The following THEM4 variants were observed in gnomAD, a reference collection of about 807,000 sequenced individuals.
THEM4 encodes the protein acyl-coenzyme A thioesterase THEM4.
In THEM4, 22 loss-of-function variants were observed where a neutral mutation model predicts 25.0. That is an observed-to-expected ratio of 0.88 (90% CI 0.63 to 1.26). The LOEUF (loss-of-function observed/expected upper bound fraction) is 1.26, where lower values mean the gene tolerates loss of function less well. THEM4 is among the 50% of genes most tolerant of loss of function. The pLI, the probability that THEM4 is intolerant of heterozygous loss-of-function variation, is 0.00. For synonymous variants in THEM4, 113 were observed against 105.6 expected (o/e 1.07, Z -0.43); for missense variants, 286 against 300.3 (o/e 0.95, Z 0.35).
At chr1:151,878,640 TAA>T (rs1184525674) in intron 4 of THEM4, among the ~76,000 whole-genome samples, 9 of 152,164 alleles carry the variant, frequency 5.9e-5, no homozygotes, top group African/African-American at 1.9e-4. Context: ...CCTAGATTAG[TAA>T]AGAGACTAAC....
intron 5 of THEM4, 34 bp from the exon 6 acceptor site, chr1:151,874,962 G>C (rs548305155): frequency 6.5e-7 from 1 of 1,538,758 alleles, no homozygotes; most frequent in Admixed American, 1.7e-5. Context: ...ATGATTATAT[G>C]TCAACTGACT....
At chr1:151,893,181 G>A (rs1325176511) in intron 2 of THEM4, among the ~76,000 whole-genome samples, 2 of 151,956 alleles carry the variant, frequency 1.3e-5, no homozygotes, top group Non-Finnish European at 2.9e-5. Context: ...AGACCAGCCC[G>A]GCCAACATTG....
At position 151,909,445 on chromosome 1, in the gene THEM4, C is replaced by G. The variant is rs1001492692; in HGVS notation, c.14G>C (p.Cys5Ser). 6.9e-7 allele frequency: 1 copy of G among 1,446,256 alleles called. No homozygotes were observed. The highest frequency in any genetic ancestry group is 9.0e-7 in the Non-Finnish European group (1 of 1,107,968). 89.6% of individuals were successfully genotyped at this position (1,446,256 alleles called of 1,614,324 possible). A position where few individuals can be genotyped will look rare whatever the true frequency, so the allele number is the denominator to read the frequency against. ...CCCCAGCGTGCGGAGGCGCGCGGCG[C>G]AGCTCCTCAGCATGGCTCCGGGCCG... MLRS[C>S]AARLRTLGAL... The change falls in exon 1 of 6, where the codon TGC becomes TCC. Residue 5 changes from cysteine to serine, a missense_variant. Coordinates refer to ENST00000368814, the MANE Select transcript of THEM4 (RefSeq NM_053055.5).
chr1:151,882,995 G>A (rs1051996147), intron 4 of THEM4, among the ~76,000 whole-genome samples: 46 of 152,020 alleles, frequency 3.0e-4, no homozygotes, highest in Admixed American at 1.8e-3. Flanking sequence ...TTACAATCAC[G>A]GCAAAGGTGA....
At position 151,909,448 on chromosome 1, in the gene THEM4, C is replaced by G. The variant is rs1054035476; in HGVS notation, c.11G>C (p.Ser4Thr). 2.6e-5 allele frequency: 38 copies of G among 1,444,834 alleles called. No individual in the cohort carries two copies. In the African/African-American group the frequency reaches 5.2e-4, roughly 20 times the overall value. 89.5% of individuals were successfully genotyped at this position (1,444,834 alleles called of 1,614,324 possible). Reference protein sequence around the residue: MLRSCAARLRTLGA... With the variant: MLRTCAARLRTLGA... ...CAGCGTGCGGAGGCGCGCGGCGCAG[C>G]TCCTCAGCATGGCTCCGGGCCGCGG... Residue 4 changes from serine to threonine, a missense_variant, in exon 1 of 6, where the codon AGC becomes ACC. By Grantham distance (58) the Ser-to-Thr change is moderately conservative. Transcript: ENST00000368814.
chr1:151,881,653 T>C (rs552580069), intron 4 of THEM4, among the ~76,000 whole-genome samples: 53 of 152,330 alleles, frequency 3.5e-4, no homozygotes, highest in African/African-American at 1.2e-3. Context: ...ACTGTTGCTA[T>C]TGAGAGGTTT....
chr1:151,883,094 T>TTTTATCTATTTA (rs1653882461), intron 4 of THEM4, among the ~76,000 whole-genome samples: 9 of 138,350 alleles, frequency 6.5e-5, no homozygotes, highest in Non-Finnish European at 1.4e-4. Context: ...TGTCAAATGC[T>TTTTATCTATTTA]TTTATTTATT....
intron 1 of THEM4, among the ~76,000 whole-genome samples, chr1:151,896,080 C>A (rs1197715490): frequency 6.6e-6 from 1 of 151,362 alleles, no homozygotes; most frequent in Non-Finnish European, 1.5e-5. Context: ...GCAACCTCCA[C>A]CTCCTGGGTT....
intron 1 of THEM4, among the ~76,000 whole-genome samples, chr1:151,902,849 G>A (rs1654379959): frequency 6.6e-6 from 1 of 151,978 alleles, no homozygotes; most frequent in Non-Finnish European, 1.5e-5. Flanking sequence ...TTAGCCATGC[G>A]AGATGGTGTG....
At chr1:151,902,866 T>C (rs1654380297) in intron 1 of THEM4, among the ~76,000 whole-genome samples, 1 of 152,016 alleles carries the variant, frequency 6.6e-6, no homozygotes, top group African/African-American at 2.4e-5. Flanking sequence ...TGTGTGCCTG[T>C]GGTCTCAGCT....
intron 1 of THEM4, among the ~76,000 whole-genome samples, chr1:151,899,421 G>A (rs762886046): frequency 7.3e-5 from 11 of 151,330 alleles, no homozygotes; most frequent in Non-Finnish European, 1.5e-4. Context: ...AAGCTGGGAG[G>A]TGGAGGTTGC....
Position 151,880,526 on chromosome 1 carries a change from G to C in THEM4, c.558-3401C>G, listed in dbSNP as rs150323967. The stretch of plus-strand genomic sequence containing the variant: ...GTGTTGGAATCTCCCACTATATAAA[G>C]GTGGGCTAGTCAACTTCTCCCTATG... On this transcript the variant is annotated intron_variant, in intron 4 of 5. Coordinates refer to ENST00000368814, the MANE Select transcript of THEM4 (RefSeq NM_053055.5). Among the ~76,000 whole-genome samples, 11 of 151,866 alleles carry C rather than the reference G, an allele frequency of 7.2e-5. No homozygotes were observed. In the East Asian group the frequency reaches 1.7e-3, roughly 24 times the overall value.
chr1:151,870,949 T>G lies in THEM4; in HGVS notation c.*3939A>C, dbSNP rs1653537484. ...AGCAAAAACTCACGGCCTAATTATGTTTACACTGATAGTTTAAAGATATTT... is the reference window on the plus strand; with the variant it reads ...AGCAAAAACTCACGGCCTAATTATGGTTACACTGATAGTTTAAAGATATTT... On this transcript the variant is annotated 3_prime_UTR_variant, in exon 6 of 6. Coordinates refer to ENST00000368814, the MANE Select transcript of THEM4 (RefSeq NM_053055.5). 6.6e-6 allele frequency among the ~76,000 whole-genome samples: 1 copy of G among 152,166 alleles called. No individual in the cohort carries two copies. The highest frequency in any genetic ancestry group is 1.5e-5 in the Non-Finnish European group (1 of 68,026).
rs780536262 is a variant in THEM4, at chr1:151,889,364, A to G, written c.296T>C (p.Leu99Pro). The G allele has an allele frequency of 1.0e-4, 164 of 1,613,660 alleles. 1 individual carries two copies. The highest frequency in any genetic ancestry group is 4.0e-4 in the African/African-American group (30 of 75,030). The change falls in exon 3 of 6, where the codon CTT becomes CCT. Residue 99 changes from leucine to proline, a missense_variant. Coordinates refer to ENST00000368814, the MANE Select transcript of THEM4 (RefSeq NM_053055.5). ...DFKTHFLDPK[L>P]MKEEQMSQAQ... is the part of the protein sequence containing the mutation. ...CTGTGACATTTGTTCTTCTTTCATA[A>G]GCTTTGGGTCTATAGAAAATGAGGT...
chr1:151,885,924 TG>T (rs1653957848), intron 4 of THEM4, among the ~76,000 whole-genome samples: 1 of 152,246 alleles, frequency 6.6e-6, no homozygotes, highest in African/African-American at 2.4e-5. Context: ...AATCCCAGGT[TG>T]TTACCTGTAG....
chr1:151,875,262 C>T (rs1280083061), intron 5 of THEM4, among the ~76,000 whole-genome samples: 1 of 152,212 alleles, frequency 6.6e-6, no homozygotes, highest in African/African-American at 2.4e-5. Context: ...GTACAAACCA[C>T]AGCCTGGAAT....
intron 2 of THEM4, chr1:151,894,720 A>G: frequency 1.8e-6 from 1 of 563,936 alleles, no homozygotes; most frequent in Non-Finnish European, 3.1e-6. Flanking sequence ...CTCAAGACGG[A>G]GAGGTGATGA....
intron 1 of THEM4, among the ~76,000 whole-genome samples, chr1:151,898,477 C>T (rs1654273930): frequency 6.6e-6 from 1 of 152,194 alleles, no homozygotes; most frequent in African/African-American, 2.4e-5. Context: ...TAGCCCCAGC[C>T]CCAGGTGATG....
At position 151,882,298 on chromosome 1, in the gene THEM4, C is replaced by T. The variant is rs568253072; in HGVS notation, c.558-5173G>A. On this transcript the variant is annotated intron_variant, in intron 4 of 5. Transcript: ENST00000368814. ...GGCTGAGGCAGGAGAATCGCTTGAA[C>T]GCAGGAGGCGGAGGTTGGAATGAGC... Among the ~76,000 whole-genome samples, 25 of 149,322 alleles carry T rather than the reference C, an allele frequency of 1.7e-4. 1 individual carries two copies. Among genetic ancestry groups the T allele is most frequent in the African/African-American group, 2.7e-4 (11 of 40,380 alleles).
Sources: gnomAD v4.1 joint callset for allele counts (sites outside exome capture counted in the v4.1 genomes callset) on GRCh38, gnomAD v4.1.1 for gene constraint, MANE v1.5 for transcripts, NCBI Gene and HGNC (gene_info 2026-07-23, HGNC 2026-07-21) for gene names.